SYNPO: variants seen among roughly 807,000 people sequenced by gnomAD.
SYNPO encodes the protein synaptopodin.
A neutral mutation model predicts 49.5 loss-of-function variants in SYNPO; 19 were observed. The observed-to-expected ratio is 0.38, with a 90% CI of 0.27 to 0.56. The LOEUF is 0.56. SYNPO is among the 20% of genes least tolerant of loss of function. The pLI, the probability that SYNPO is intolerant of heterozygous loss-of-function variation, is 0.68. For missense variants in SYNPO, 1,131 were observed against 1,248.3 expected, an observed-to-expected ratio of 0.91 and a Z score of 1.42; for synonymous variants, 536 against 548.0, an observed-to-expected ratio of 0.98 and a Z score of 0.31.
chr5:150,619,589 G>GA (rs975063716), intron 2 of SYNPO, among the ~76,000 whole-genome samples: 2 of 152,198 alleles, frequency 1.3e-5, no homozygotes, highest in African/African-American at 4.8e-5. Flanking sequence ...CCAGCCCATG[G>GA]AAACGCTGAA....
intron 2 of SYNPO, among the ~76,000 whole-genome samples, chr5:150,627,073 C>G (rs1355554354): frequency 6.6e-6 from 1 of 152,220 alleles, no homozygotes; most frequent in Non-Finnish European, 1.5e-5. Flanking sequence ...CTGAGCACAC[C>G]TCCAGGGCCC....
At chr5:150,637,717 C>CT (rs1195445006), upstream of SYNPO, among the ~76,000 whole-genome samples, 2 of 152,184 alleles carry the variant, frequency 1.3e-5, no homozygotes, top group African/African-American at 4.8e-5. Context: ...GTTCCTCCTG[C>CT]GTTTTTTCTT....
chr5:150,620,632 G>A (rs983612039), intron 2 of SYNPO, among the ~76,000 whole-genome samples: 4 of 152,238 alleles, frequency 2.6e-5, no homozygotes, highest in Admixed American at 2.6e-4. Flanking sequence ...GCCCATGGAT[G>A]GAGAGGACAG....
At chr5:150,647,702 T>C (rs543487845) in intron 1 of SYNPO, among the ~76,000 whole-genome samples, 1 of 152,342 alleles carries the variant, frequency 6.6e-6, no homozygotes, top group East Asian at 1.9e-4. Flanking sequence ...CAGGGACCAG[T>C]TAATCCTGAG....
chr5:150,608,084 T>G (rs1039152384), intron 1 of SYNPO, among the ~76,000 whole-genome samples: 2 of 152,276 alleles, frequency 1.3e-5, no homozygotes, highest in Non-Finnish European at 2.9e-5. Flanking sequence ...TGGTATAGCC[T>G]AGTGTGTAGG....
chr5:150,657,133 G>T lies in SYNPO; in HGVS notation c.*46G>T, dbSNP rs1477924825. 1 of 1,533,846 alleles carries T rather than the reference G, an allele frequency of 6.5e-7. No homozygotes were observed. Among genetic ancestry groups the T allele is most frequent in the Admixed American group, 2.0e-5 (1 of 50,722 alleles). Reference sequence around the variant, plus strand: ...CCCGGGAGGGCAGAGCCAGAAGAAGGCTCATTAGACCTGGGGGACCCAAAG... The same window carrying T: ...CCCGGGAGGGCAGAGCCAGAAGAAGTCTCATTAGACCTGGGGGACCCAAAG... On this transcript the variant is annotated 3_prime_UTR_variant, in exon 3 of 3. Transcript: ENST00000307662.
chr5:150,591,698 C>T, the SYNPO span, among the ~76,000 whole-genome samples: 6 of 152,188 alleles, frequency 3.9e-5, no homozygotes, highest in South Asian at 8.3e-4. Context: ...TAACACTCAC[C>T]GTACATAGTA....
chr5:150,601,406 C>T (rs1022147731), intron 1 of SYNPO, among the ~76,000 whole-genome samples: 10 of 152,098 alleles, frequency 6.6e-5, no homozygotes, highest in Admixed American at 2.0e-4. Context: ...GGGGCAGAGA[C>T]GCCGCCAAGC....
rs1408554582 is a variant in SYNPO, at chr5:150,648,186, C to T, written c.-90C>T. 2 of 1,578,104 alleles carry T rather than the reference C, an allele frequency of 1.3e-6. No homozygotes were observed. Among genetic ancestry groups the T allele is most frequent in the Non-Finnish European group, 1.7e-6 (2 of 1,161,382 alleles). On this transcript the variant is annotated 5_prime_UTR_variant, in exon 2 of 3. Transcript: ENST00000307662. This position sits in a 1 kb window ranked among gnomAD's most constrained non-coding sequence, Gnocchi z 5.0. ...AAGCCTCCCAGGCCATGCACCGGGG[C>T]TCAGCCTGAGTTCCACCTCGCTGCC...
At chr5:150,621,542 C>T (rs1029608052) in intron 2 of SYNPO, among the ~76,000 whole-genome samples, 2 of 152,110 alleles carry the variant, frequency 1.3e-5, no homozygotes, top group African/African-American at 2.4e-5. Flanking sequence ...AGGTTATTAG[C>T]GGATTAGGGC....
intron 1 of SYNPO, among the ~76,000 whole-genome samples, chr5:150,608,784 C>A (rs1447945828): frequency 6.6e-6 from 1 of 152,116 alleles, no homozygotes; most frequent in African/African-American, 2.4e-5. Context: ...GGGGTGTGGC[C>A]AGAGCTTTGG....
intron 2 of SYNPO, among the ~76,000 whole-genome samples, chr5:150,633,068 T>A (rs1239941880): frequency 6.6e-6 from 1 of 152,192 alleles, no homozygotes. Flanking sequence ...TTTGGCCATA[T>A]CATTTCCTTG....
At chr5:150,623,742 G>A (rs970895043) in intron 2 of SYNPO, among the ~76,000 whole-genome samples, 5 of 152,328 alleles carry the variant, frequency 3.3e-5, no homozygotes, top group African/African-American at 4.8e-5. Flanking sequence ...GTGGGCTTAC[G>A]CTAGCACATT....
intron 1 of SYNPO, among the ~76,000 whole-genome samples, chr5:150,601,951 C>A (rs1190937323): frequency 2.0e-5 from 3 of 152,206 alleles, no homozygotes; most frequent in African/African-American, 7.2e-5. Flanking sequence ...TTTTTCAGAG[C>A]AGTCACCTCC....
At chr5:150,621,160 C>T (rs1561640091) in intron 2 of SYNPO, among the ~76,000 whole-genome samples, 1 of 151,986 alleles carries the variant, frequency 6.6e-6, no homozygotes, top group East Asian at 1.9e-4. Flanking sequence ...ACCATGTTGG[C>T]CAGGCTGGCC....
chr5:150,632,841 C>T (rs1256146886), intron 2 of SYNPO, among the ~76,000 whole-genome samples: 2 of 152,124 alleles, frequency 1.3e-5, no homozygotes, highest in African/African-American at 2.4e-5. Flanking sequence ...TGTGAGTCAA[C>T]AGGATTACAT....
At chr5:150,595,070 A>G in the SYNPO span, among the ~76,000 whole-genome samples, 4 of 152,192 alleles carry the variant, frequency 2.6e-5, no homozygotes, top group African/African-American at 9.7e-5. Flanking sequence ...TGCCTAAAAA[A>G]TTGGAAGACC....
At chr5:150,606,810 C>A (rs777697565) in intron 1 of SYNPO, among the ~76,000 whole-genome samples, 1 of 152,166 alleles carries the variant, frequency 6.6e-6, no homozygotes, top group Non-Finnish European at 1.5e-5. Flanking sequence ...TTAGGCTGAG[C>A]GCCCCTCAGC....
At chr5:150,618,199 G>T in exon 2 of SYNPO, 1 of 810,496 alleles carries the variant, frequency 1.2e-6, no homozygotes, top group South Asian at 2.1e-5. Context: ...TTTCGTCTCA[G>T]CCAGACCTCA....
Sources: gnomAD v4.1 joint callset for allele counts (sites outside exome capture counted in the v4.1 genomes callset) on GRCh38, gnomAD v4.1.1 for gene constraint, Gnocchi (gnomAD v3.1) non-coding constraint, MANE v1.5 for transcripts, NCBI Gene and HGNC (gene_info 2026-07-23, HGNC 2026-07-21) for gene names.